The following EFCAB6 variants were observed in gnomAD, a reference collection of about 807,000 sequenced individuals.
The protein encoded by EFCAB6 is EF-hand calcium-binding domain-containing protein 6.
A neutral mutation model predicts 169.8 loss-of-function variants in EFCAB6; 156 were observed. The ratio of observed to expected loss-of-function variants is 0.92; its 90% confidence interval spans 0.81 to 1.05. The LOEUF (loss-of-function observed/expected upper bound fraction) is 1.05. EFCAB6 is among the 50% of genes least tolerant of loss of function. The pLI is 0.00. For synonymous variants in EFCAB6, 698 were observed against 676.4 expected (o/e 1.03, Z -0.50); for missense variants, 1,800 against 1,829.1 (o/e 0.98, Z 0.29).
Position 43,744,129 on chromosome 22 carries a change from GGATGGATGGGTA to G in EFCAB6, c.508-8148_508-8137del, listed in dbSNP as rs1283113384. On this transcript the variant is annotated intron_variant, in intron 6 of 31. Transcript: ENST00000262726. The surrounding 1 kb of genome is among the most constrained non-coding windows in gnomAD (Gnocchi z 4.3). Reference sequence around the variant, plus strand: ...ATGAATGAATGGATGGGTTATGGATGGATGGATGGGTAGATGGATGGATGGATGATGGATAGA... The same window carrying G: ...ATGAATGAATGGATGGGTTATGGATGGATGGATGGATGGATGATGGATAGA... Among the ~76,000 whole-genome samples the G allele has an allele frequency of 6.6e-6, 1 of 152,066 alleles. No homozygotes were observed. The highest frequency in any genetic ancestry group is 1.5e-5 in the Non-Finnish European group (1 of 68,004).
At chr22:43,707,606 G>A (rs550987415) in intron 10 of EFCAB6, among the ~76,000 whole-genome samples, 2 of 152,302 alleles carry the variant, frequency 1.3e-5, no homozygotes, top group East Asian at 1.9e-4. Flanking sequence ...GAGTACCTTC[G>A]TGGTACTAAA....
chr22:43,575,174 TTTGTTG>T (rs56125626), intron 26 of EFCAB6, among the ~76,000 whole-genome samples: 4,908 of 150,984 alleles, frequency 0.033, 138 homozygotes, highest in Admixed American at 0.085. Flanking sequence ...ATAGACTGTT[TTTGTTG>T]TTGTTGTTGT....
At chr22:43,719,643 CA>C (rs2147468885) in intron 8 of EFCAB6, among the ~76,000 whole-genome samples, 2 of 152,236 alleles carry the variant, frequency 1.3e-5, no homozygotes, top group South Asian at 4.2e-4. Context: ...TATTTTCCCC[CA>C]AAAAATTTGC....
At chr22:43,757,958 G>A (rs1315097134) in intron 5 of EFCAB6, among the ~76,000 whole-genome samples, 1 of 152,156 alleles carries the variant, frequency 6.6e-6, no homozygotes. Flanking sequence ...TTATGTTTGA[G>A]TTTAGGTTTT....
At chr22:43,667,396 G>T in intron 16 of EFCAB6, 124 bp from the exon 17 acceptor site, 1 of 1,245,390 alleles carries the variant, frequency 8.0e-7, no homozygotes, top group Non-Finnish European at 1.1e-6. Context: ...CGGTTCACTA[G>T]CTGGGAAGGG....
At chr22:43,552,504 A>T (rs951204827) in intron 27 of EFCAB6, 1 of 152,132 alleles carries the variant, frequency 6.6e-6, no homozygotes, top group African/African-American at 2.4e-5. Context: ...AGCCATTCTG[A>T]CTGGCGTGAG....
At chr22:43,788,450 T>C (rs2062158570) in intron 2 of EFCAB6, among the ~76,000 whole-genome samples, 1 of 151,950 alleles carries the variant, frequency 6.6e-6, no homozygotes, top group Admixed American at 6.6e-5. Flanking sequence ...TCAAAGAAAA[T>C]ATACAAATGA....
rs563904419 is a variant in EFCAB6 at position 43,709,653 on chromosome 22, G to A, written c.1031+1822C>T. Among the ~76,000 whole-genome samples the A allele has an allele frequency of 1.3e-4, 20 of 152,326 alleles. No homozygotes were observed. In the South Asian group the frequency reaches 3.7e-3, roughly 28 times the overall value. ...ACAATGAAAATAGTAAATTTGTTAG[G>A]TAAGGTGGATGGTGACTATCTGCTT... On this transcript the variant is annotated intron_variant, in intron 10 of 31. Coordinates refer to ENST00000262726, the MANE Select transcript of EFCAB6 (RefSeq NM_022785.4).
In EFCAB6 at chr22:43,613,202, T is replaced by C. The variant is rs985641745; in HGVS notation, c.2562+2624A>G. 2.7e-5 allele frequency among the ~76,000 whole-genome samples: 4 copies of C among 148,304 alleles called. No homozygotes were observed. In the Admixed American group the frequency reaches 2.7e-4, roughly 10 times the overall value. Reference sequence around the variant, plus strand: ...TATATAACATATATATTAATATATTTGTTATAGAAATATATTTGTTACATA... The same window carrying C: ...TATATAACATATATATTAATATATTCGTTATAGAAATATATTTGTTACATA... On this transcript the variant is annotated intron_variant, in intron 21 of 31. Transcript: ENST00000262726.
chr22:43,734,901 T>C (rs2060077320), intron 7 of EFCAB6, among the ~76,000 whole-genome samples: 1 of 152,182 alleles, frequency 6.6e-6, no homozygotes, highest in Non-Finnish European at 1.5e-5. Context: ...ACATTGTCTT[T>C]ATGAGATACA....
chr22:43,590,343 T>G, intron 23 of EFCAB6, 114 bp from the exon 24 acceptor site: 1 of 1,254,126 alleles, frequency 8.0e-7, no homozygotes, highest in Non-Finnish European at 1.1e-6. Flanking sequence ...ATCTAAGAAC[T>G]AATTTTGAAG....
At chr22:43,755,728 G>A in intron 6 of EFCAB6, 38 bp downstream of exon 6, 1 of 1,530,502 alleles carries the variant, frequency 6.5e-7, no homozygotes, top group South Asian at 1.2e-5. Flanking sequence ...GACAATGGGT[G>A]GGGTGGGGGG....
In EFCAB6 at chr22:43,528,845, AG is replaced by A; in HGVS notation, c.*7del. 2 of 1,599,760 alleles carry A rather than the reference AG, an allele frequency of 1.3e-6. No individual in the cohort carries two copies. The highest frequency in any genetic ancestry group is 1.7e-6 in the Non-Finnish European group (2 of 1,168,172). ...GCTGTCGTCCCGCTGGGCACACAGC[AG>A]GGGTGTCTACTGGAGGAATGCCCGG... On this transcript the variant is annotated 3_prime_UTR_variant, in exon 32 of 32. Coordinates refer to ENST00000262726, the MANE Select transcript of EFCAB6 (RefSeq NM_022785.4).
chr22:43,530,962 T>C lies in EFCAB6; in HGVS notation c.4236A>G (p.Lys1412=), dbSNP rs547196409. 1.5e-5 allele frequency: 24 copies of C among 1,613,830 alleles called. No individual in the cohort carries two copies. In the South Asian group the frequency reaches 2.1e-4, roughly 14 times the overall value. The change falls in exon 31 of 32, where the codon AAA becomes AAG. Residue 1412 remains lysine, a splice_region_variant and synonymous_variant. Transcript: ENST00000262726. ...AAGATGGCGTCTCCGCGCCGGCTTC[T>C]TTCTAGACACAAGACAAGAAGGGGT... ...RMKIQNAHKM[K]EAGAETPSFY... is the part of the protein sequence containing the mutation.
intron 17 of EFCAB6, among the ~76,000 whole-genome samples, chr22:43,637,857 CTT>C (rs1402453849): frequency 1.3e-5 from 2 of 152,224 alleles, no homozygotes; most frequent in Non-Finnish European, 2.9e-5. Context: ...TTGAAAAAAA[CTT>C]TATATTTTGA....
chr22:43,749,159 G>A (rs2060667876), intron 6 of EFCAB6, among the ~76,000 whole-genome samples: 1 of 152,140 alleles, frequency 6.6e-6, no homozygotes, highest in Non-Finnish European at 1.5e-5. Context: ...GCACTGGTAA[G>A]GGAGAGGTAA....
At chr22:43,588,423 C>A (rs2051227382) in intron 24 of EFCAB6, among the ~76,000 whole-genome samples, 1 of 151,888 alleles carries the variant, frequency 6.6e-6, no homozygotes, top group Non-Finnish European at 1.5e-5. Flanking sequence ...AAAAAAGGAA[C>A]ACACAGAGAA....
At chr22:43,801,207 G>A (rs182139835) in intron 2 of EFCAB6, among the ~76,000 whole-genome samples, 1 of 152,132 alleles carries the variant, frequency 6.6e-6, no homozygotes, top group Non-Finnish European at 1.5e-5. Flanking sequence ...AAAAGACACT[G>A]TCATCCAAGA....
intron 26 of EFCAB6, among the ~76,000 whole-genome samples, chr22:43,574,406 G>T (rs1435815986): frequency 6.6e-6 from 1 of 152,086 alleles, no homozygotes; most frequent in African/African-American, 2.4e-5. Flanking sequence ...GCTGAGCTCA[G>T]GTGGCTACAT....
Sources: gnomAD v4.1 joint callset for allele counts (sites outside exome capture counted in the v4.1 genomes callset) on GRCh38, gnomAD v4.1.1 for gene constraint, Gnocchi (gnomAD v3.1) non-coding constraint, MANE v1.5 for transcripts, NCBI Gene and HGNC (gene_info 2026-07-23, HGNC 2026-07-21) for gene names.